HOXB4: variants seen among roughly 807,000 people sequenced by gnomAD.
The protein encoded by HOXB4 is homeobox B4.
A neutral mutation model predicts 20.0 loss-of-function variants in HOXB4; 13 were observed. That is an observed-to-expected ratio of 0.65 (90% CI 0.42 to 1.03). The LOEUF (loss-of-function observed/expected upper bound fraction) is 1.03, where lower values mean the gene tolerates loss of function less well. Ranked by LOEUF, HOXB4 falls within the 50% of genes least tolerant of loss-of-function variation. The pLI, the probability that HOXB4 is intolerant of heterozygous loss-of-function variation, is 0.00. For missense variants in HOXB4, 343 were observed against 357.1 expected, an observed-to-expected ratio of 0.96 and a Z score of 0.32; for synonymous variants, 173 against 148.9, an observed-to-expected ratio of 1.16 and a Z score of -1.18.
Position 48,576,585 on chromosome 17 carries a change from GTA to G in HOXB4, c.*135_*136del, listed in dbSNP as rs890720545. 1.1e-5 allele frequency: 8 copies of G among 695,830 alleles called. No homozygotes were observed. The highest frequency in any genetic ancestry group is 1.4e-5 in the Non-Finnish European group (6 of 436,508). The allele number at this position is 695,830 out of a possible 1,614,324, so 43.1% of individuals were successfully genotyped here. A position where few individuals can be genotyped will look rare whatever the true frequency, so the allele number is the denominator to read the frequency against. On this transcript the variant is annotated 3_prime_UTR_variant, in exon 2 of 2. Coordinates refer to ENST00000332503, the MANE Select transcript of HOXB4 (RefSeq NM_024015.5). ...CCCTCCCCCTCTTCTGCGTTTATTCGTATATAAAGTGTGGGGGAGGGCAGATA... is the reference window on the plus strand; with the variant it reads ...CCCTCCCCCTCTTCTGCGTTTATTCGTATAAAGTGTGGGGGAGGGCAGATA...
rs771895258 is a variant in HOXB4 at position 48,577,965 on chromosome 17, G to A, written c.355C>T (p.Pro119Ser). 6.2e-5 allele frequency: 82 copies of A among 1,314,310 alleles called. No homozygotes were observed. Among genetic ancestry groups the A allele is most frequent in the Non-Finnish European group, 7.7e-5 (79 of 1,027,008 alleles). The allele number at this position is 1,314,310 out of a possible 1,614,324, so 81.4% of individuals were successfully genotyped here. The change falls in exon 1 of 2, where the codon CCG (proline) becomes TCG (serine). Residue 119 changes from proline (P) to serine (S), a missense_variant. Physicochemically the swap from Pro to Ser is moderately conservative, Grantham distance 74. Around this residue, in one of 3 missense-constraint regions of HOXB4, gnomAD observed 241 missense variants for 222.0 expected, o/e 1.09. Coordinates refer to ENST00000332503, the MANE Select transcript of HOXB4 (RefSeq NM_024015.5). ...RCEAVSSSPP[P>S]PPCAQNPLHP... ...AGGGGGTTCTGGGCGCAGGGAGGCG[G>A]CGGGGGGCTGCTGCTGACCGCCTCG...
At chr17:48,577,827 AG>A in intron 1 of HOXB4, 35 bp downstream of exon 1, 1 of 1,376,294 alleles carries the variant, frequency 7.3e-7, no homozygotes, top group Non-Finnish European at 9.4e-7. Context: ...GTAAAGCTCC[AG>A]GGGTGGGAGG....
In HOXB4 at chr17:48,578,203, G is replaced by C. The variant is rs2069834489; in HGVS notation, c.117C>G (p.Ala39=). The change falls in exon 1 of 2, where the codon GCC becomes GCG. Residue 39 remains alanine (A), a synonymous_variant. Coordinates refer to ENST00000332503, the MANE Select transcript of HOXB4 (RefSeq NM_024015.5). ...LPSDHSPGYY[A]GGQRRESSFQ... is the part of the protein sequence containing the mutation. ...AGCTGCTCTCTCGCCTCTGGCCGCC[G>C]GCGTAGTACCCGGGCGAGTGGTCGC... 2 of 1,613,478 alleles carry C rather than the reference G, an allele frequency of 1.2e-6. No individual in the cohort carries two copies. Among genetic ancestry groups the C allele is most frequent in the Non-Finnish European group, 1.7e-6 (2 of 1,179,790 alleles).
rs2069781937 is a variant in HOXB4, at chr17:48,576,874, A to T, written c.604T>A (p.Ser202Thr). ...AACCAGATCTTGATCTGGCGCTCGG[A>T]GAGGCAGAGCGCGTGGGCGATCTCC... Reference protein sequence around the residue: ...RVEIAHALCLSERQIKIWFQN... With the variant: ...RVEIAHALCLTERQIKIWFQN... Residue 202 changes from serine to threonine, a missense_variant, in exon 2 of 2, where the codon TCC (serine) becomes ACC (threonine). Physicochemically the swap from Ser to Thr is moderately conservative, Grantham distance 58 (BLOSUM62 1). Around this residue, in one of 3 missense-constraint regions of HOXB4, gnomAD observed 54 missense variants for 90.3 expected, o/e 0.60. Transcript: ENST00000332503. 3 of 1,614,184 alleles carry T rather than the reference A, an allele frequency of 1.9e-6. No individual in the cohort carries two copies. The highest frequency in any genetic ancestry group is 2.5e-6 in the Non-Finnish European group (3 of 1,180,028).
In HOXB4 at chr17:48,578,142, A is replaced by G; in HGVS notation, c.178T>C (p.Cys60Arg). The G allele has an allele frequency of 6.4e-7, 1 of 1,566,510 alleles. No homozygotes were observed. Residue 60 changes from cysteine to arginine, a missense_variant, in exon 1 of 2, where the codon TGC becomes CGC. Transcript: ENST00000332503. ...PEAGFGRRAA[C>R]TVQRYAACRD... The stretch of plus-strand genomic sequence containing the variant: ...CAGGCCGCGTAGCGCTGCACGGTGC[A>G]CGCCGCGCGCCGCCCGAAGCCCGCC...
In HOXB4 at chr17:48,576,996, T is replaced by TC; in HGVS notation, c.481dup (p.Glu161GlyfsTer140). ...GTAGGCGGTCCGAGAGCGCTTGGGC[T>TC]CCCCGCCGGCGTAATTGGGGTTTAC... is the stretch of plus-strand genomic sequence containing the variant. On this transcript the variant is annotated frameshift_variant, in exon 2 of 2. Coordinates refer to ENST00000332503, the MANE Select transcript of HOXB4 (RefSeq NM_024015.5). LOFTEE classifies it high-confidence loss of function. 6.2e-7 allele frequency: 1 copy of TC among 1,605,456 alleles called. No individual in the cohort carries two copies. Among genetic ancestry groups the TC allele is most frequent in the Non-Finnish European group, 8.5e-7 (1 of 1,174,362 alleles).
In HOXB4 at chr17:48,578,040, G is replaced by A; in HGVS notation, c.280C>T (p.Pro94Ser). ...AGGGCCCCGGCGGGTGGCGGCGCAGGAGCCCGAGGGGACAGACCGGGCGGT... is the reference window on the plus strand; with the variant it reads ...AGGGCCCCGGCGGGTGGCGGCGCAGAAGCCCGAGGGGACAGACCGGGCGGT... The part of the protein sequence containing the change: ...PPPPGLSPRA[P>S]APPPAGALLP... Residue 94 changes from proline (P) to serine (S), a missense_variant, in exon 1 of 2, where the codon CCT (proline) becomes TCT (serine). Pro to Ser is a moderately conservative substitution (Grantham distance 74). This residue lies in a region of HOXB4 where 241 missense variants were observed against 222.0 expected (regional missense o/e 1.09). Transcript: ENST00000332503. 1 of 1,168,862 alleles carries A rather than the reference G, an allele frequency of 8.6e-7. No homozygotes were observed. The highest frequency in any genetic ancestry group is 1.1e-6 in the Non-Finnish European group (1 of 945,744). 72.4% of individuals were successfully genotyped at this position (1,168,862 alleles called of 1,614,324 possible). A position where few individuals can be genotyped will look rare whatever the true frequency, so the allele number is the denominator to read the frequency against.
In HOXB4 at chr17:48,577,918, G is replaced by A. The variant is rs747521361; in HGVS notation, c.402C>T (p.Ser134=). The A allele has an allele frequency of 3.6e-6, 5 of 1,373,522 alleles. No individual in the cohort carries two copies. Among genetic ancestry groups the A allele is most frequent in the South Asian group, 2.1e-5 (1 of 47,468 alleles). The allele number at this position is 1,373,522 out of a possible 1,614,324, so 85.1% of individuals were successfully genotyped here. A position where few individuals can be genotyped will look rare whatever the true frequency, so the allele number is the denominator to read the frequency against. ...GGTAGACGACGGGCTCTTTGCACGC[G>A]GAGTGGGACGGGCTGGGGTGCAGGG... is the stretch of plus-strand genomic sequence containing the variant. ...QNPLHPSPSH[S]ACKEPVVYPW... Residue 134 remains serine (S), a synonymous_variant, in exon 1 of 2, where the codon TCC becomes TCT. Transcript: ENST00000332503.
chr17:48,577,706 G>A (rs1280638962), intron 1 of HOXB4, among the ~76,000 whole-genome samples, 157 bp downstream of exon 1: 1 of 152,154 alleles, frequency 6.6e-6, no homozygotes, highest in Admixed American at 6.5e-5. Context: ...TAATTATGTG[G>A]CTCTGAAAAC....
In HOXB4 at chr17:48,578,158, G is replaced by C. The variant is rs750928177; in HGVS notation, c.162C>G (p.Phe54Leu). Residue 54 changes from phenylalanine to leucine, a missense_variant, in exon 1 of 2, where the codon TTC (phenylalanine) becomes TTG (leucine). Physicochemically the swap from Phe to Leu is conservative, Grantham distance 22. Transcript: ENST00000332503. ...RESSFQPEAG[F>L]GRRAACTVQR... ...GCACGGTGCACGCCGCGCGCCGCCCGAAGCCCGCCTCCGGCTGGAAGCTGC... is the reference window on the plus strand; with the variant it reads ...GCACGGTGCACGCCGCGCGCCGCCCCAAGCCCGCCTCCGGCTGGAAGCTGC... The C allele has an allele frequency of 1.9e-6, 3 of 1,601,146 alleles. No homozygotes were observed. The highest frequency in any genetic ancestry group is 2.6e-6 in the Non-Finnish European group (3 of 1,172,550).
Position 48,578,216 on chromosome 17 carries a change from G to C in HOXB4, c.104C>G (p.Pro35Arg). ...QSDYLPSDHS[P>R]GYYAGGQRRE... Reference sequence around the variant, plus strand: ...CCTCTGGCCGCCGGCGTAGTACCCGGGCGAGTGGTCGCTGGGTAGGTAATC... The same window carrying C: ...CCTCTGGCCGCCGGCGTAGTACCCGCGCGAGTGGTCGCTGGGTAGGTAATC... The change falls in exon 1 of 2, where the codon CCC (proline) becomes CGC (arginine). Residue 35 changes from proline to arginine, a missense_variant. Transcript: ENST00000332503. The C allele has an allele frequency of 6.2e-7, 1 of 1,613,906 alleles. No homozygotes were observed. Among genetic ancestry groups the C allele is most frequent in the Non-Finnish European group, 8.5e-7 (1 of 1,179,912 alleles).
Position 48,578,118 on chromosome 17 carries a change from A to T in HOXB4, c.202T>A (p.Cys68Ser). Residue 68 changes from cysteine (C) to serine (S), a missense_variant, in exon 1 of 2, where the codon TGC becomes AGC. Coordinates refer to ENST00000332503, the MANE Select transcript of HOXB4 (RefSeq NM_024015.5). ...GGCGGCGGGGGCCCAGGGTCCCGGC[A>T]GGCCGCGTAGCGCTGCACGGTGCAC... is the stretch of plus-strand genomic sequence containing the variant. ...AACTVQRYAA[C>S]RDPGPPPPPP... The T allele has an allele frequency of 7.5e-7, 1 of 1,341,018 alleles. No individual in the cohort carries two copies. The highest frequency in any genetic ancestry group is 9.7e-7 in the Non-Finnish European group (1 of 1,025,860). 83.1% of individuals were successfully genotyped at this position (1,341,018 alleles called of 1,614,324 possible).
At position 48,578,021 on chromosome 17, in the gene HOXB4, C is replaced by A; in HGVS notation, c.299G>T (p.Gly100Val). 2 of 1,140,626 alleles carry A rather than the reference C, an allele frequency of 1.8e-6. No individual in the cohort carries two copies. The highest frequency in any genetic ancestry group is 4.5e-5 in the Admixed American group (1 of 21,988). The allele number at this position is 1,140,626 out of a possible 1,614,324, so 70.7% of individuals were successfully genotyped here. Residue 100 changes from glycine to valine, a missense_variant, in exon 1 of 2, where the codon GGG becomes GTG. Physicochemically the swap from Gly to Val is moderately radical, Grantham distance 109 (BLOSUM62 -3). Around this residue, in one of 3 missense-constraint regions of HOXB4, gnomAD observed 241 missense variants for 222.0 expected, o/e 1.09. Coordinates refer to ENST00000332503, the MANE Select transcript of HOXB4 (RefSeq NM_024015.5). ...SPRAPAPPPA[G>V]ALLPEPGQRC... Reference sequence around the variant, plus strand: ...CTGGCCGGGCTCCGGGAGGAGGGCCCCGGCGGGTGGCGGCGCAGGAGCCCG... The same window carrying A: ...CTGGCCGGGCTCCGGGAGGAGGGCCACGGCGGGTGGCGGCGCAGGAGCCCG...
intron 1 of HOXB4, among the ~76,000 whole-genome samples, 164 bp downstream of exon 1, chr17:48,577,699 T>G (rs1275685161): frequency 6.6e-6 from 1 of 151,976 alleles, no homozygotes; most frequent in Non-Finnish European, 1.5e-5. Context: ...GGGGATGTAA[T>G]TATGTGGCTC....
At position 48,577,918 on chromosome 17, in the gene HOXB4, G is replaced by T. The variant is rs747521361; in HGVS notation, c.402C>A (p.Ser134=). Residue 134 remains serine (S), a synonymous_variant, in exon 1 of 2, where the codon TCC becomes TCA. Coordinates refer to ENST00000332503, the MANE Select transcript of HOXB4 (RefSeq NM_024015.5). ...GGTAGACGACGGGCTCTTTGCACGC[G>T]GAGTGGGACGGGCTGGGGTGCAGGG... ...QNPLHPSPSH[S]ACKEPVVYPW... is the part of the protein sequence containing the mutation. 1 of 1,373,634 alleles carries T rather than the reference G, an allele frequency of 7.3e-7. No individual in the cohort carries two copies. Among genetic ancestry groups the T allele is most frequent in the Admixed American group, 3.0e-5 (1 of 33,600 alleles). 85.1% of individuals were successfully genotyped at this position (1,373,634 alleles called of 1,614,324 possible). A position where few individuals can be genotyped will look rare whatever the true frequency, so the allele number is the denominator to read the frequency against.
intron 1 of HOXB4, among the ~76,000 whole-genome samples, chr17:48,577,590 A>G (rs2069808179): frequency 6.6e-6 from 1 of 152,046 alleles, no homozygotes. Context: ...CTTCATTAAG[A>G]CTGTATCTCC....
At chr17:48,577,591 C>T (rs1298105389) in intron 1 of HOXB4, among the ~76,000 whole-genome samples, 1 of 152,222 alleles carries the variant, frequency 6.6e-6, no homozygotes, top group Non-Finnish European at 1.5e-5. Flanking sequence ...TTCATTAAGA[C>T]TGTATCTCCC....
In HOXB4 at chr17:48,577,896, A is replaced by T; in HGVS notation, c.424T>A (p.Tyr142Asn). ...SHSACKEPVV[Y>N]PWMRKVHVST... ...ACGTGAACTTTGCGCATCCAGGGGT[A>T]GACGACGGGCTCTTTGCACGCGGAG... is the stretch of plus-strand genomic sequence containing the variant. The change falls in exon 1 of 2, where the codon TAC becomes AAC. Residue 142 changes from tyrosine to asparagine, a missense_variant. This residue lies in a region of HOXB4 where 241 missense variants were observed against 222.0 expected (regional missense o/e 1.09). Transcript: ENST00000332503. The T allele has an allele frequency of 7.2e-7, 1 of 1,383,710 alleles. No homozygotes were observed. The highest frequency in any genetic ancestry group is 9.4e-7 in the Non-Finnish European group (1 of 1,062,616). 85.7% of individuals were successfully genotyped at this position (1,383,710 alleles called of 1,614,324 possible). A position where few individuals can be genotyped will look rare whatever the true frequency, so the allele number is the denominator to read the frequency against.
chr17:48,577,902 CG>C lies in HOXB4; in HGVS notation c.417del (p.Val140SerfsTer11). ...ACTTTGCGCATCCAGGGGTAGACGA[CG>C]GGCTCTTTGCACGCGGAGTGGGACG... ...PSPSHSACKE[P>X]VVYPWMRKVH... On this transcript the variant is annotated frameshift_variant, in exon 1 of 2. Coordinates refer to ENST00000332503, the MANE Select transcript of HOXB4 (RefSeq NM_024015.5). LOFTEE classifies it high-confidence loss of function. The C allele has an allele frequency of 7.3e-7, 1 of 1,376,482 alleles. No homozygotes were observed. The allele number at this position is 1,376,482 out of a possible 1,614,324, so 85.3% of individuals were successfully genotyped here. A position where few individuals can be genotyped will look rare whatever the true frequency, so the allele number is the denominator to read the frequency against.
Sources: allele counts gnomAD v4.1 joint callset (sites outside exome capture counted in the v4.1 genomes callset), GRCh38; gene constraint gnomAD v4.1.1; regional missense constraint gnomAD v4.1.1; transcripts MANE v1.5; gene names NCBI Gene and HGNC (gene_info 2026-07-23, HGNC 2026-07-21).